Variants in SLC25A13 observed in about 807,000 individuals in gnomAD.
SLC25A13 encodes the protein electrogenic aspartate/glutamate antiporter SLC25A13, mitochondrial.
In SLC25A13, 70 loss-of-function variants were observed where a neutral mutation model predicts 85.5. The ratio of observed to expected loss-of-function variants is 0.82; its 90% confidence interval spans 0.68 to 1.00. SLC25A13 has a LOEUF of 1.00. Among genes scored for constraint, SLC25A13 ranks in the 50% least tolerant of loss-of-function variants. SLC25A13 has a pLI of 0.00. For synonymous variants in SLC25A13, 259 were observed against 288.7 expected, an observed-to-expected ratio of 0.90 and a Z score of 1.04; for missense variants, 765 against 819.8, an observed-to-expected ratio of 0.93 and a Z score of 0.82.
intron 14 of SLC25A13, among the ~76,000 whole-genome samples, chr7:96,143,539 G>A (rs1049976323): frequency 2.0e-5 from 3 of 152,150 alleles, no homozygotes; most frequent in Admixed American, 1.3e-4. Flanking sequence ...CATCCTCTGT[G>A]CTATAACTAA....
At chr7:96,210,761 G>A (rs529208849) in intron 4 of SLC25A13, among the ~76,000 whole-genome samples, 5 of 152,086 alleles carry the variant, frequency 3.3e-5, no homozygotes, top group Admixed American at 2.6e-4. Context: ...AAATGATAAA[G>A]ATGTGACCAA....
At chr7:96,168,928 A>G (rs1039608037) in intron 13 of SLC25A13, among the ~76,000 whole-genome samples, 2 of 152,204 alleles carry the variant, frequency 1.3e-5, no homozygotes, top group African/African-American at 4.8e-5. Flanking sequence ...AGCAACTTCT[A>G]AAATTCTCTT....
At chr7:96,250,958 T>G (rs1465363658) in intron 3 of SLC25A13, among the ~76,000 whole-genome samples, 1 of 152,104 alleles carries the variant, frequency 6.6e-6, no homozygotes, top group African/African-American at 2.4e-5. Flanking sequence ...GCCAGCCACG[T>G]TCTAGGATCT....
In SLC25A13 at chr7:96,121,269, A is replaced by C. The variant is rs1346889630; in HGVS notation, c.1950T>G (p.Ile650Met). ...YKLAVATFAG[I>M]ENKFGLYLPL... The stretch of plus-strand genomic sequence containing the variant: ...GTAGGTAAAGTCCAAATTTGTTTTC[A>C]ATCCCTGCAAATGTAGCAACTGCCA... Residue 650 changes from isoleucine (I) to methionine (M), a missense_variant, in exon 18 of 18, where the codon ATT becomes ATG. Transcript: ENST00000265631. The C allele has an allele frequency of 6.2e-7, 1 of 1,614,146 alleles. No individual in the cohort carries two copies. The highest frequency in any genetic ancestry group is 1.1e-5 in the South Asian group (1 of 91,082).
In SLC25A13 at chr7:96,296,758, G is replaced by A. The variant is rs923576248; in HGVS notation, c.69+140C>T. The A allele has an allele frequency of 1.1e-5, 9 of 791,808 alleles. No homozygotes were observed. In the African/African-American group the frequency reaches 1.2e-4, roughly 11 times the overall value. The allele number at this position is 791,808 out of a possible 1,614,324, so 49.0% of individuals were successfully genotyped here. On this transcript the variant is annotated intron_variant, in intron 2 of 17. Transcript: ENST00000265631. ...AGCCTCCCAAAGTGCTGGGATTACA[G>A]GCATGAGCCACCGTGCCGGGCTGAC...
intron 13 of SLC25A13, among the ~76,000 whole-genome samples, chr7:96,149,825 C>A (rs766983662): frequency 6.6e-6 from 1 of 152,210 alleles, no homozygotes; most frequent in East Asian, 1.9e-4. Flanking sequence ...ATTATGCATT[C>A]ACAGTACCAT....
intron 1 of SLC25A13, among the ~76,000 whole-genome samples, chr7:96,314,837 C>T (rs769442246): frequency 2.2e-4 from 33 of 152,286 alleles, no homozygotes; most frequent in South Asian, 4.1e-4. Flanking sequence ...GACTTTTTTA[C>T]GCTACATATC....
Position 96,249,074 on chromosome 7 carries a change from C to T in SLC25A13, c.213-14157G>A, listed in dbSNP as rs147309862. 5.6e-3 allele frequency among the ~76,000 whole-genome samples: 853 copies of T among 152,264 alleles called. 5 individuals are homozygous for T. Among genetic ancestry groups the T allele is most frequent in the Non-Finnish European group, 8.3e-3 (567 of 68,010 alleles). ...TGTTCTCAGCTGCTCGGAAGGCTAA[C>T]GTGGGAGGGTCGCTTGAGCCCAGGA... On this transcript the variant is annotated intron_variant, in intron 3 of 17. Coordinates refer to ENST00000265631, the MANE Select transcript of SLC25A13 (RefSeq NM_014251.3).
At chr7:96,181,074 C>G (rs1794402721) in intron 11 of SLC25A13, among the ~76,000 whole-genome samples, 1 of 152,102 alleles carries the variant, frequency 6.6e-6, no homozygotes, top group South Asian at 2.1e-4. Context: ...ACAACAACAA[C>G]AACAACAACA....
At chr7:96,254,490 A>G (rs577416100) in intron 3 of SLC25A13, among the ~76,000 whole-genome samples, 6 of 152,344 alleles carry the variant, frequency 3.9e-5, no homozygotes, top group African/African-American at 1.4e-4. Flanking sequence ...ACAAGTCCTT[A>G]TAATAAATGT....
chr7:96,211,967 T>A (rs115448487), intron 4 of SLC25A13, among the ~76,000 whole-genome samples: 1,734 of 152,102 alleles, frequency 0.011, 30 homozygotes, highest in African/African-American at 0.039. Context: ...TATCAGGGAG[T>A]ATGGAAGGGT....
At chr7:96,252,590 A>G (rs976044033) in intron 3 of SLC25A13, among the ~76,000 whole-genome samples, 1 of 152,196 alleles carries the variant, frequency 6.6e-6, no homozygotes, top group African/African-American at 2.4e-5. Flanking sequence ...GTAGTTAGGA[A>G]AAACTAGAGA....
intron 5 of SLC25A13, among the ~76,000 whole-genome samples, chr7:96,194,213 T>C (rs1334823672): frequency 1.4e-5 from 2 of 143,924 alleles, no homozygotes; most frequent in East Asian, 4.1e-4. Flanking sequence ...GGTGGATGGA[T>C]CCCTTGAGCC....
At chr7:96,220,304 C>T (rs979801362) in intron 4 of SLC25A13, among the ~76,000 whole-genome samples, 7 of 152,124 alleles carry the variant, frequency 4.6e-5, no homozygotes, top group African/African-American at 1.7e-4. Context: ...TACATTTAAC[C>T]CTACTTAAAT....
chr7:96,228,293 G>T (rs369079651), intron 4 of SLC25A13, among the ~76,000 whole-genome samples: 2 of 152,306 alleles, frequency 1.3e-5, no homozygotes, highest in South Asian at 4.1e-4. Flanking sequence ...ACAGAGTAAA[G>T]AATCTGTGAA....
chr7:96,295,309 A>G (rs1295460972), intron 2 of SLC25A13, among the ~76,000 whole-genome samples: 1 of 152,216 alleles, frequency 6.6e-6, no homozygotes, highest in Non-Finnish European at 1.5e-5. Flanking sequence ...AGAAAGCGCC[A>G]TTGCACTCCA....
At chr7:96,289,593 C>T (rs1044360679) in intron 2 of SLC25A13, among the ~76,000 whole-genome samples, 2 of 152,098 alleles carry the variant, frequency 1.3e-5, no homozygotes, top group African/African-American at 2.4e-5. Flanking sequence ...AACCATGGCA[C>T]AAGAACTATG....
intron 14 of SLC25A13, among the ~76,000 whole-genome samples, chr7:96,140,256 C>G (rs1792476457): frequency 6.6e-6 from 1 of 151,714 alleles, no homozygotes; most frequent in African/African-American, 2.4e-5. Context: ...CCGCGCCCGG[C>G]CTGATTTCCA....
intron 15 of SLC25A13, among the ~76,000 whole-genome samples, chr7:96,128,468 T>C (rs905512612): frequency 2.6e-5 from 4 of 152,194 alleles, no homozygotes; most frequent in Admixed American, 2.0e-4. Context: ...ACAGTTTTTA[T>C]AGTTTTGTAG....
Sources: gnomAD v4.1 joint callset for allele counts (sites outside exome capture counted in the v4.1 genomes callset) on GRCh38, gnomAD v4.1.1 for gene constraint, MANE v1.5 for transcripts, NCBI Gene and HGNC (gene_info 2026-07-23, HGNC 2026-07-21) for gene names.